Variants in CLEC6A observed in about 807,000 individuals in gnomAD.
CLEC6A encodes the protein C-type lectin domain containing 6A, also known as C-type lectin domain family 6 member A.
A neutral mutation model predicts 25.7 loss-of-function variants in CLEC6A; 22 were observed. The ratio of observed to expected loss-of-function variants is 0.85; its 90% CI spans 0.61 to 1.22. The LOEUF (loss-of-function observed/expected upper bound fraction) is 1.22, where lower values mean the gene tolerates loss of function less well. CLEC6A is among the 50% of genes most tolerant of loss of function. The pLI is 0.00. For missense variants in CLEC6A, 240 were observed against 236.8 expected (o/e 1.01, Z -0.09); for synonymous variants, 92 against 76.7 (o/e 1.20, Z -1.04).
At chr12:8,458,016 T>G in intron 2 of CLEC6A, 29 bp downstream of exon 2, 1 of 1,497,332 alleles carries the variant, frequency 6.7e-7, no homozygotes, top group Non-Finnish European at 9.3e-7. Flanking sequence ...TGCATTTTCC[T>G]TGCTTCCTTT....
chr12:8,469,201 A>G (rs1939873717), intron 4 of CLEC6A, among the ~76,000 whole-genome samples: 1 of 152,140 alleles, frequency 6.6e-6, no homozygotes, highest in African/African-American at 2.4e-5. Context: ...CTGCAAAACA[A>G]AAATATTTAG....
At chr12:8,470,968 C>T (rs1439894055) in intron 4 of CLEC6A, among the ~76,000 whole-genome samples, 1 of 151,950 alleles carries the variant, frequency 6.6e-6, no homozygotes, top group Non-Finnish European at 1.5e-5. Flanking sequence ...AGATACTTTC[C>T]TTCTGTTCCT....
chr12:8,466,808 C>T (rs1347071210), intron 4 of CLEC6A, among the ~76,000 whole-genome samples: 1 of 148,102 alleles, frequency 6.8e-6, no homozygotes, highest in Non-Finnish European at 1.5e-5. Context: ...GTGCCTGCCA[C>T]CACGATTGGC....
chr12:8,463,048 C>G (rs1939783898), intron 3 of CLEC6A, among the ~76,000 whole-genome samples: 2 of 152,084 alleles, frequency 1.3e-5, no homozygotes, highest in Non-Finnish European at 2.9e-5. Flanking sequence ...GTGTTAACCC[C>G]CATCACCCAT....
At chr12:8,477,189 G>A (rs1206435256) in intron 5 of CLEC6A, 131 bp from the exon 6 acceptor site, 1 of 681,314 alleles carries the variant, frequency 1.5e-6, no homozygotes, top group South Asian at 2.2e-5. Context: ...AGAGTAGTAT[G>A]AGAAGAAGGA....
intron 3 of CLEC6A, among the ~76,000 whole-genome samples, chr12:8,462,894 C>T (rs1158597273): frequency 6.6e-6 from 1 of 152,090 alleles, no homozygotes; most frequent in African/African-American, 2.4e-5. Flanking sequence ...GCAACCCACC[C>T]CTTCATAATT....
intron 4 of CLEC6A, among the ~76,000 whole-genome samples, chr12:8,472,315 A>G (rs1007504291): frequency 6.6e-6 from 1 of 152,146 alleles, no homozygotes; most frequent in Non-Finnish European, 1.5e-5. Context: ...ATAAGCTGCC[A>G]TGCTTGCTTT....
intron 1 of CLEC6A, 142 bp from the exon 2 acceptor site, chr12:8,457,756 G>C (rs4402377): frequency 0.78 from 487,374 of 624,982 alleles, 192,442 homozygotes; most frequent in East Asian, 0.99. Flanking sequence ...TATTCTGAGG[G>C]AGTTTGTAAG....
At chr12:8,469,472 A>G (rs1241469011) in intron 4 of CLEC6A, among the ~76,000 whole-genome samples, 4 of 152,184 alleles carry the variant, frequency 2.6e-5, no homozygotes, top group Non-Finnish European at 4.4e-5. Flanking sequence ...GATGCTGCAT[A>G]GCCAAAGTAA....
At chr12:8,470,857 A>G (rs1409801796) in intron 4 of CLEC6A, among the ~76,000 whole-genome samples, 1 of 152,104 alleles carries the variant, frequency 6.6e-6, no homozygotes, top group Non-Finnish European at 1.5e-5. Flanking sequence ...GAACTTATTC[A>G]TGTAACCAAA....
rs1473308009 is a variant in CLEC6A at position 8,465,497 on chromosome 12, C to T, written c.237C>T (p.Cys79=). ...EGTKVPAWGC[C]PASWKSFGSS... is the part of the protein sequence containing the mutation. ...ACACAAAAATAGCCTGGGGATGTTG[C>T]CCAGCTTCTTGGAAGTCATTTGGTT... The change falls in exon 4 of 6, where the codon TGC becomes TGT. Residue 79 remains cysteine (C), a synonymous_variant. Transcript: ENST00000382073. 6.8e-6 allele frequency: 11 copies of T among 1,613,812 alleles called. No homozygotes were observed. The East Asian group carries it at 2.2e-4, about 33-fold the overall frequency.
At position 8,457,912 on chromosome 12, in the gene CLEC6A, T is replaced by C. The variant is rs746412719; in HGVS notation, c.46T>C (p.Leu16=). Reference sequence around the variant, plus strand: ...TGATTGGACAGAGAAAAGAGGCTGGTTGTCCCTGAGACTCTGGTCTGTGGC... The same window carrying C: ...TGATTGGACAGAGAAAAGAGGCTGGCTGTCCCTGAGACTCTGGTCTGTGGC... ...QPQSTEKRGW[L]SLRLWSVAGI... is the part of the protein sequence containing the mutation. The change falls in exon 2 of 6, where the codon TTG becomes CTG. Residue 16 remains leucine, a synonymous_variant. Transcript: ENST00000382073. 8.7e-6 allele frequency: 14 copies of C among 1,613,780 alleles called. No homozygotes were observed. Among genetic ancestry groups the C allele is most frequent in the Non-Finnish European group, 1.2e-5 (14 of 1,179,762 alleles).
intron 3 of CLEC6A, among the ~76,000 whole-genome samples, chr12:8,463,279 A>G (rs988002499): frequency 1.3e-5 from 2 of 152,118 alleles, no homozygotes; most frequent in Admixed American, 6.6e-5. Context: ...CAATATCAAA[A>G]CATCACAAAG....
intron 4 of CLEC6A, among the ~76,000 whole-genome samples, chr12:8,474,226 C>A (rs1470354175): frequency 2.6e-5 from 4 of 152,022 alleles, no homozygotes; most frequent in African/African-American, 9.7e-5. Context: ...AACTTTTAAT[C>A]CATTTTGAGT....
At chr12:8,460,963 C>T in intron 3 of CLEC6A, 1 of 1,004,052 alleles carries the variant, frequency 1.0e-6, no homozygotes, top group Non-Finnish European at 1.6e-6. Context: ...TCTAAGAGTC[C>T]CAAATTCTTA....
intron 4 of CLEC6A, among the ~76,000 whole-genome samples, chr12:8,474,113 T>C (rs925682899): frequency 7.2e-5 from 11 of 152,182 alleles, no homozygotes; most frequent in African/African-American, 2.7e-4. Flanking sequence ...TCATTGCAAA[T>C]GCTTTTGAGG....
intron 3 of CLEC6A, among the ~76,000 whole-genome samples, chr12:8,461,510 C>T (rs983154560): frequency 2.6e-5 from 4 of 152,128 alleles, no homozygotes; most frequent in African/African-American, 9.7e-5. Flanking sequence ...TGTTCATTTG[C>T]CCCCTAAGTA....
At chr12:8,472,344 A>T (rs1327260966) in intron 4 of CLEC6A, among the ~76,000 whole-genome samples, 1 of 152,172 alleles carries the variant, frequency 6.6e-6, no homozygotes, top group Admixed American at 6.6e-5. Context: ...GCCACCACCA[A>T]GTATCCCAAA....
At chr12:8,472,706 T>A (rs1203063964) in intron 4 of CLEC6A, among the ~76,000 whole-genome samples, 2 of 152,178 alleles carry the variant, frequency 1.3e-5, no homozygotes, top group Non-Finnish European at 2.9e-5. Flanking sequence ...GGGCTTTATA[T>A]TCTGCCATCT....
Sources: gnomAD v4.1 joint callset for allele counts (sites outside exome capture counted in the v4.1 genomes callset) on GRCh38, gnomAD v4.1.1 for gene constraint, MANE v1.5 for transcripts, NCBI Gene and HGNC (gene_info 2026-07-23, HGNC 2026-07-21) for gene names.